Variants in ABCB1 observed in about 807,000 individuals in gnomAD.
ABCB1 encodes ATP binding cassette subfamily B member 1.
A neutral mutation model predicts 142.0 loss-of-function variants in ABCB1; 69 were observed. The observed-to-expected ratio is 0.49, with a 90% confidence interval of 0.40 to 0.59. The LOEUF (loss-of-function observed/expected upper bound fraction) is 0.59, where lower values mean the gene tolerates loss of function less well. Among genes scored for constraint, ABCB1 ranks in the 20% least tolerant of loss-of-function variants. The pLI is 0.00. For synonymous variants in ABCB1, 532 were observed against 539.2 expected (o/e 0.99, Z 0.18); for missense variants, 1,326 against 1,554.7 (o/e 0.85, Z 2.47).
chr7:87,694,697 C>T (rs569799555), intron 1 of ABCB1, among the ~76,000 whole-genome samples: 2 of 151,478 alleles, frequency 1.3e-5, no homozygotes, highest in South Asian at 2.1e-4. Flanking sequence ...GGACTTCAGC[C>T]GTCATGTACG....
chr7:87,528,260 A>T (rs1189666627), intron 21 of ABCB1, among the ~76,000 whole-genome samples: 5 of 152,156 alleles, frequency 3.3e-5, no homozygotes, highest in African/African-American at 1.2e-4. Context: ...CTTGACTGTG[A>T]ATGGTGACTT....
chr7:87,541,373 A>G lies in ABCB1; in HGVS notation c.2303T>C (p.Ile768Thr). 6.3e-7 allele frequency: 1 copy of G among 1,578,236 alleles called. No homozygotes were observed. The highest frequency in any genetic ancestry group is 8.7e-7 in the Non-Finnish European group (1 of 1,147,546). ...AACATTTACCTGAAGGAAAAATGTAATAAAAGAAATAATTCCAAGGGCTAG... is the reference window on the plus strand; with the variant it reads ...AACATTTACCTGAAGGAAAAATGTAGTAAAAGAAATAATTCCAAGGGCTAG... ...LFLALGIISF[I>T]TFFLQGFTFG... Residue 768 changes from isoleucine to threonine, a missense_variant, in exon 18 of 28, where the codon ATT becomes ACT. Transcript: ENST00000622132.
intron 20 of ABCB1, among the ~76,000 whole-genome samples, chr7:87,534,122 C>A (rs1377200078): frequency 6.6e-6 from 1 of 152,114 alleles, no homozygotes; most frequent in Non-Finnish European, 1.5e-5. Flanking sequence ...TAAGGCAGGT[C>A]ATAACACCAG....
At chr7:87,551,946 G>T (rs918352415) in intron 9 of ABCB1, among the ~76,000 whole-genome samples, 2 of 152,104 alleles carry the variant, frequency 1.3e-5, no homozygotes, top group African/African-American at 4.8e-5. Context: ...CTAGTTATAT[G>T]TTGTTAGGCC....
At chr7:87,549,249 A>C in intron 14 of ABCB1, 99 bp downstream of exon 14, 1 of 1,400,558 alleles carries the variant, frequency 7.1e-7, no homozygotes, top group Non-Finnish European at 1.0e-6. Flanking sequence ...CCTAGAAGCT[A>C]TCAGAAATTT....
At chr7:87,543,161 G>T (rs1009962796) in intron 17 of ABCB1, among the ~76,000 whole-genome samples, 11 of 152,108 alleles carry the variant, frequency 7.2e-5, no homozygotes, top group Admixed American at 3.3e-4. Context: ...AGGCATGGTG[G>T]TGCAGGCCTA....
chr7:87,670,495 T>C (rs1825712092), intron 1 of ABCB1, among the ~76,000 whole-genome samples: 1 of 152,244 alleles, frequency 6.6e-6, no homozygotes, highest in Non-Finnish European at 1.5e-5. Flanking sequence ...TACAGCCTGA[T>C]TAAAAACTCT....
intron 23 of ABCB1, 136 bp from the exon 24 acceptor site, chr7:87,516,801 A>C: frequency 1.1e-6 from 1 of 876,382 alleles, no homozygotes; most frequent in Non-Finnish European, 1.7e-6. Flanking sequence ...CAGTAGTGCA[A>C]TCAGAGCTCA....
chr7:87,605,425 C>T (rs921734259), upstream of ABCB1, among the ~76,000 whole-genome samples: 9 of 152,304 alleles, frequency 5.9e-5, no homozygotes, highest in African/African-American at 1.7e-4. Flanking sequence ...TGAGCCACCA[C>T]GCCCAGCCTC....
In ABCB1 at chr7:87,553,927, T is replaced by C. The variant is rs767592386; in HGVS notation, c.833A>G (p.Asn278Ser). 6.2e-7 allele frequency: 1 copy of C among 1,613,068 alleles called. No homozygotes were observed. Residue 278 changes from asparagine (N) to serine (S), a missense_variant, in exon 9 of 28, where the codon AAC becomes AGC. Physicochemically the swap from Asn to Ser is conservative, Grantham distance 46. Coordinates refer to ENST00000622132, the MANE Select transcript of ABCB1 (RefSeq NM_001348946.2). ...GGQKKELERY[N>S]KNLEEAKRIG... is the part of the protein sequence containing the mutation. Reference sequence around the variant, plus strand: ...TCTTTTAGCTTCTTCTAAATTTTTGTTGTACCTGAGAAAAAGAACAAAAAT... The same window carrying C: ...TCTTTTAGCTTCTTCTAAATTTTTGCTGTACCTGAGAAAAAGAACAAAAAT...
chr7:87,624,418 T>C (rs1820334650), intron 1 of ABCB1, among the ~76,000 whole-genome samples: 1 of 152,192 alleles, frequency 6.6e-6, no homozygotes, highest in Non-Finnish European at 1.5e-5. Flanking sequence ...TATATATACA[T>C]TTTATAGTAT....
intron 7 of ABCB1, among the ~76,000 whole-genome samples, chr7:87,561,815 G>A (rs552479140): frequency 9.9e-5 from 15 of 152,008 alleles, no homozygotes; most frequent in African/African-American, 3.1e-4. Context: ...GCAAGACCCC[G>A]CCTCTACAAA....
chr7:87,536,290 A>G (rs1816287953), intron 20 of ABCB1, among the ~76,000 whole-genome samples, 168 bp downstream of exon 20: 1 of 152,258 alleles, frequency 6.6e-6, no homozygotes, highest in African/African-American at 2.4e-5. Flanking sequence ...TATAATGTTT[A>G]AATAGTTAAC....
intron 1 of ABCB1, among the ~76,000 whole-genome samples, chr7:87,682,084 C>A (rs1206914805): frequency 6.6e-6 from 1 of 152,210 alleles, no homozygotes; most frequent in Non-Finnish European, 1.5e-5. Context: ...GAGTACATTC[C>A]ATTTCAAGAA....
intron 4 of ABCB1, among the ~76,000 whole-genome samples, chr7:87,576,917 C>T (rs1271425639): frequency 6.6e-6 from 1 of 152,038 alleles, no homozygotes; most frequent in African/African-American, 2.4e-5. Context: ...TACAAACAAT[C>T]CAGTTATACC....
intron 20 of ABCB1, among the ~76,000 whole-genome samples, chr7:87,535,855 C>A (rs1816263958): frequency 1.3e-5 from 2 of 151,894 alleles, no homozygotes; most frequent in Admixed American, 1.3e-4. Flanking sequence ...TGGACTTTTG[C>A]CATAAACAGT....
At chr7:87,690,582 A>G (rs1326612725) in intron 1 of ABCB1, among the ~76,000 whole-genome samples, 5 of 152,176 alleles carry the variant, frequency 3.3e-5, no homozygotes, top group Non-Finnish European at 5.9e-5. Flanking sequence ...AAAAGATGAA[A>G]AATGCTGTAT....
chr7:87,545,363 T>A (rs1284085485), intron 15 of ABCB1, among the ~76,000 whole-genome samples: 3 of 152,240 alleles, frequency 2.0e-5, no homozygotes, highest in Admixed American at 6.5e-5. Flanking sequence ...CATGTTATTT[T>A]AAATTTTCTA....
At position 87,504,161 on chromosome 7, in the gene ABCB1, G is replaced by T; in HGVS notation, c.*82C>A. On this transcript the variant is annotated 3_prime_UTR_variant, in exon 28 of 28. Coordinates refer to ENST00000622132, the MANE Select transcript of ABCB1 (RefSeq NM_001348946.2). ...TAAACAGATACCTCTTCATAATTCTGTAAGTGTTTGCTTTTAACTTTGAAT... is the reference window on the plus strand; with the variant it reads ...TAAACAGATACCTCTTCATAATTCTTTAAGTGTTTGCTTTTAACTTTGAAT... 6.5e-7 allele frequency: 1 copy of T among 1,536,630 alleles called. No homozygotes were observed. Among genetic ancestry groups the T allele is most frequent in the Non-Finnish European group, 8.8e-7 (1 of 1,131,558 alleles).
Sources: allele counts gnomAD v4.1 joint callset (sites outside exome capture counted in the v4.1 genomes callset), GRCh38; gene constraint gnomAD v4.1.1; transcripts MANE v1.5; gene names NCBI Gene and HGNC (gene_info 2026-07-23, HGNC 2026-07-21).